Variants in ZNF106 observed in about 807,000 individuals in gnomAD.
ZNF106 encodes the protein zinc finger protein 106, also known as SH3-domain binding protein 3.
A neutral mutation model predicts 195.1 loss-of-function variants in ZNF106; 67 were observed. The ratio of observed to expected loss-of-function variants is 0.34; its 90% confidence interval spans 0.28 to 0.42. The LOEUF (loss-of-function observed/expected upper bound fraction) is 0.42. Among genes scored for constraint, ZNF106 ranks in the 10% least tolerant of loss-of-function variants. ZNF106 has a pLI of 1.00. For synonymous variants in ZNF106, 784 were observed against 818.6 expected, an observed-to-expected ratio of 0.96 and a Z score of 0.72; for missense variants, 2,118 against 2,304.5, an observed-to-expected ratio of 0.92 and a Z score of 1.66.
intron 1 of ZNF106, among the ~76,000 whole-genome samples, chr15:42,488,523 T>C (rs2057066154): frequency 6.6e-6 from 1 of 152,114 alleles, no homozygotes; most frequent in Non-Finnish European, 1.5e-5. Flanking sequence ...AGAGCATTCA[T>C]ATGTAACTTG....
intron 2 of ZNF106, among the ~76,000 whole-genome samples, chr15:42,469,573 C>T (rs1032346864): frequency 1.3e-5 from 2 of 152,094 alleles, no homozygotes; most frequent in Non-Finnish European, 2.9e-5. Flanking sequence ...CATGGTGGCT[C>T]ACACCTGTAA....
chr15:42,442,076 T>C lies in ZNF106; in HGVS notation c.3760A>G (p.Asn1254Asp). 6.2e-7 allele frequency: 1 copy of C among 1,606,842 alleles called. No homozygotes were observed. Among genetic ancestry groups the C allele is most frequent in the Non-Finnish European group, 8.5e-7 (1 of 1,175,904 alleles). The change falls in exon 10 of 22, where the codon AAT (asparagine) becomes GAT (aspartate). Residue 1254 changes from asparagine (N) to aspartate (D), a missense_variant. Transcript: ENST00000564754. ...ACCCAGAGAAAAGCTTACATACTAT[T>C]AGCTTCCAGTAATTCCTTGGACACA... ...CNVSKELLEA[N>D]REISDSCPVY...
chr15:42,472,268 T>C lies in ZNF106; in HGVS notation c.22A>G (p.Ile8Val), dbSNP rs1567029715. 6.5e-7 allele frequency: 1 copy of C among 1,535,954 alleles called. No homozygotes were observed. The highest frequency in any genetic ancestry group is 2.4e-5 in the East Asian group (1 of 40,910). The change falls in exon 2 of 22, where the codon ATA (isoleucine) becomes GTA (valine). Residue 8 changes from isoleucine (I) to valine (V), a missense_variant. Transcript: ENST00000564754. MVRERKC[I>V]LCHIVYSSKK... ...GAGCTGTACACGATGTGGCATAATA[T>C]GCATTTTCGTTCTCGTACCATAGTG... is the stretch of plus-strand genomic sequence containing the variant.
At chr15:42,444,542 C>G (rs776119881) in intron 8 of ZNF106, among the ~76,000 whole-genome samples, 7 of 152,072 alleles carry the variant, frequency 4.6e-5, no homozygotes, top group African/African-American at 1.7e-4. Context: ...CTCCACATCC[C>G]GCCCCCTGGC....
intron 13 of ZNF106, 88 bp from the exon 14 acceptor site, chr15:42,435,606 T>C: frequency 6.7e-7 from 1 of 1,502,374 alleles, no homozygotes; most frequent in South Asian, 1.2e-5. Context: ...TGCTAAAACA[T>C]TCAGTTCACT....
chr15:42,450,712 A>G lies in ZNF106; in HGVS notation c.1560T>C (p.Asp520=), dbSNP rs2055981699. 5 of 1,614,220 alleles carry G rather than the reference A, an allele frequency of 3.1e-6. No homozygotes were observed. The East Asian group carries it at 1.1e-4, about 36-fold the overall frequency. ...SNPSNKPTVE[D]NHGPYISKLR... ...GTTTGGATATGTAAGGACCATGGTT[A>G]TCTTCCACAGTGGGCTTGTTCGAGG... The change falls in exon 5 of 22, where the codon GAT becomes GAC. Residue 520 remains aspartate (D), a synonymous_variant. Coordinates refer to ENST00000564754, the MANE Select transcript of ZNF106 (RefSeq NM_001366845.3).
At position 42,417,882 on chromosome 15, in the gene ZNF106, T is replaced by G; in HGVS notation, c.5587A>C (p.Asn1863His). ...CATTTCAGAGTCTGGAAGTTGGGAT[T>G]AGTGTGGTCGGTCAGCAAGTGTTGT... is the stretch of plus-strand genomic sequence containing the variant. Reference protein sequence around the residue: ...LKQHLLTDHTNPNFQTLKCRW... With the variant: ...LKQHLLTDHTHPNFQTLKCRW... Residue 1863 changes from asparagine to histidine, a missense_variant, in exon 21 of 22, where the codon AAT (asparagine) becomes CAT (histidine). Coordinates refer to ENST00000564754, the MANE Select transcript of ZNF106 (RefSeq NM_001366845.3). 6.2e-7 allele frequency: 1 copy of G among 1,614,110 alleles called. No homozygotes were observed. Among genetic ancestry groups the G allele is most frequent in the African/African-American group, 1.3e-5 (1 of 75,028 alleles).
At position 42,437,298 on chromosome 15, in the gene ZNF106, A is replaced by T; in HGVS notation, c.4680T>A (p.Ile1560=). 6.2e-7 allele frequency: 1 copy of T among 1,614,124 alleles called. No individual in the cohort carries two copies. The highest frequency in any genetic ancestry group is 8.5e-7 in the Non-Finnish European group (1 of 1,180,010). The change falls in exon 13 of 22, where the codon ATT becomes ATA. Residue 1560 remains isoleucine, a synonymous_variant. Transcript: ENST00000564754. ...FEGHQAAVNA[I]QIFGNLLYTC... ...TATATAGCAAGTTCCCAAATATCTG[A>T]ATTGCATTTACGGCAGCTTGGTGTC...
rs1476562379 is a variant in ZNF106, at chr15:42,413,152, AG to A, written c.*4151del. ...AGTGAATCTGGGAAATGTAGTCACC[AG>A]GTAACCCAGCAGGGCCATATACTTG... On this transcript the variant is annotated 3_prime_UTR_variant, in exon 22 of 22. Coordinates refer to ENST00000564754, the MANE Select transcript of ZNF106 (RefSeq NM_001366845.3). 1 of 152,180 alleles carries A rather than the reference AG, an allele frequency of 6.6e-6. No individual in the cohort carries two copies. The highest frequency in any genetic ancestry group is 2.4e-5 in the African/African-American group (1 of 41,442). 9.4% of individuals were successfully genotyped at this position (152,180 alleles called of 1,614,324 possible).
At chr15:42,463,673 G>A (rs541364963) in intron 3 of ZNF106, among the ~76,000 whole-genome samples, 2 of 152,166 alleles carry the variant, frequency 1.3e-5, no homozygotes, top group South Asian at 2.1e-4. Context: ...GGTGGCACAC[G>A]CCTGTAGTCC....
chr15:42,437,394 G>C lies in ZNF106; in HGVS notation c.4601-17C>G, dbSNP rs1202207465. 1.2e-6 allele frequency: 2 copies of C among 1,612,294 alleles called. No individual in the cohort carries two copies. Among genetic ancestry groups the C allele is most frequent in the East Asian group, 2.2e-5 (1 of 44,862 alleles). On this transcript the variant is annotated splice_polypyrimidine_tract_variant and intron_variant, in intron 12 of 21. Transcript: ENST00000564754. The stretch of plus-strand genomic sequence containing the variant: ...AAGATATTTCTGGAAAACAAGAATA[G>C]GTTTCAGAGACATGTCTGCTAGAGT...
At chr15:42,480,754 G>T (rs2056881950) in intron 1 of ZNF106, among the ~76,000 whole-genome samples, 1 of 152,288 alleles carries the variant, frequency 6.6e-6, no homozygotes, top group East Asian at 1.9e-4. Context: ...GGAGGCCAAG[G>T]CAGGAGGATC....
At position 42,444,195 on chromosome 15, in the gene ZNF106, T is replaced by G. The variant is rs1391242329; in HGVS notation, c.3421+7A>C. The G allele has an allele frequency of 6.2e-7, 1 of 1,603,382 alleles. No homozygotes were observed. Reference sequence around the variant, plus strand: ...AGGGCCCAATCCATCAGATGCCCTCTGAATACCTTGTAATCCCTGTAGAAT... The same window carrying G: ...AGGGCCCAATCCATCAGATGCCCTCGGAATACCTTGTAATCCCTGTAGAAT... On this transcript the variant is annotated splice_region_variant and intron_variant, in intron 9 of 21. Transcript: ENST00000564754.
At chr15:42,420,294 C>G (rs1169625961) in intron 20 of ZNF106, among the ~76,000 whole-genome samples, 2 of 152,148 alleles carry the variant, frequency 1.3e-5, no homozygotes, top group Admixed American at 1.3e-4. Flanking sequence ...GTCCCTCTGT[C>G]CAACATATCT....
At chr15:42,464,670 G>A (rs901307905) in intron 3 of ZNF106, among the ~76,000 whole-genome samples, 4 of 151,822 alleles carry the variant, frequency 2.6e-5, no homozygotes, top group Non-Finnish European at 4.4e-5. Flanking sequence ...GGGACTACAG[G>A]CACATACCAC....
chr15:42,486,788 T>TTATA (rs138179604), intron 1 of ZNF106, among the ~76,000 whole-genome samples: 5 of 151,744 alleles, frequency 3.3e-5, no homozygotes, highest in Non-Finnish European at 5.9e-5. Flanking sequence ...TGAGGACTTG[T>TTATA]TATATATATA....
At position 42,416,904 on chromosome 15, in the gene ZNF106, A is replaced by G. The variant is rs1242661333; in HGVS notation, c.*400T>C. 1 of 150,330 alleles carries G rather than the reference A, an allele frequency of 6.7e-6. No homozygotes were observed. Among genetic ancestry groups the G allele is most frequent in the Non-Finnish European group, 1.4e-5 (1 of 70,964 alleles). The allele number at this position is 150,330 out of a possible 1,614,324, so 9.3% of individuals were successfully genotyped here. On this transcript the variant is annotated 3_prime_UTR_variant, in exon 22 of 22. Coordinates refer to ENST00000564754, the MANE Select transcript of ZNF106 (RefSeq NM_001366845.3). The stretch of plus-strand genomic sequence containing the variant: ...AAACAAACTTGTACTTAAAAGCCTG[A>G]CTATAGGTTTAAACCATCATAAGAA...
At chr15:42,417,991 T>TGCA (rs1206355679) in intron 20 of ZNF106, 40 bp from the exon 21 acceptor site, 1 of 1,600,796 alleles carries the variant, frequency 6.2e-7, no homozygotes, top group African/African-American at 1.3e-5. Flanking sequence ...TGAAAAAGGG[T>TGCA]GCAGTGAACG....
intron 21 of ZNF106, 101 bp from the exon 22 acceptor site, chr15:42,417,461 C>G: frequency 7.0e-7 from 1 of 1,421,534 alleles, no homozygotes. Context: ...CACCTAGGAT[C>G]CAGACAGGAA....
Sources: allele counts gnomAD v4.1 joint callset (sites outside exome capture counted in the v4.1 genomes callset), GRCh38; gene constraint gnomAD v4.1.1; transcripts MANE v1.5; gene names NCBI Gene and HGNC (gene_info 2026-07-23, HGNC 2026-07-21).